Variants in NELL1 observed in about 807,000 individuals in gnomAD.
NELL1 encodes the protein neural EGFL like 1.
A neutral mutation model predicts 107.4 loss-of-function variants in NELL1; 76 were observed. The ratio of observed to expected loss-of-function variants is 0.71; its 90% confidence interval spans 0.59 to 0.86. The LOEUF (loss-of-function observed/expected upper bound fraction) is 0.86. Among genes scored for constraint, NELL1 ranks in the 40% least tolerant of loss-of-function variants. NELL1 has a pLI of 0.00. For missense variants in NELL1, 1,024 were observed against 1,005.5 expected (o/e 1.02, Z -0.25); for synonymous variants, 353 against 341.2 (o/e 1.03, Z -0.38).
chr11:20,868,265 T>C (rs1849131598), intron 4 of NELL1, among the ~76,000 whole-genome samples: 1 of 152,172 alleles, frequency 6.6e-6, no homozygotes, highest in Non-Finnish European at 1.5e-5. Flanking sequence ...TCTCACGTGC[T>C]AAGTGAAATA....
At chr11:21,171,656 A>G (rs1052311718) in intron 13 of NELL1, among the ~76,000 whole-genome samples, 2 of 151,746 alleles carry the variant, frequency 1.3e-5, no homozygotes, top group Admixed American at 1.3e-4. Flanking sequence ...TGCATTTCTG[A>G]ATTAGGATAT....
intron 2 of NELL1, among the ~76,000 whole-genome samples, chr11:20,700,751 A>C (rs549512036): frequency 6.6e-6 from 1 of 151,850 alleles, no homozygotes; most frequent in African/African-American, 2.4e-5. Context: ...GAGTAAGAAC[A>C]TGCGGTGTTT....
chr11:21,291,754 A>C (rs2133960657), intron 14 of NELL1, among the ~76,000 whole-genome samples: 1 of 152,290 alleles, frequency 6.6e-6, no homozygotes, highest in African/African-American at 2.4e-5. Context: ...CATCCCTGGG[A>C]TGCAAGCCTG....
chr11:21,384,398 C>T (rs1370234779), intron 15 of NELL1, among the ~76,000 whole-genome samples: 2 of 151,646 alleles, frequency 1.3e-5, no homozygotes, highest in South Asian at 2.1e-4. Context: ...CTTTTTATCC[C>T]CTTTTTCTGG....
At chr11:21,226,439 A>G (rs1395624457) in intron 13 of NELL1, among the ~76,000 whole-genome samples, 1 of 152,184 alleles carries the variant, frequency 6.6e-6, no homozygotes, top group Non-Finnish European at 1.5e-5. Context: ...GAGTTTCTCT[A>G]CTTACCAGTT....
chr11:21,060,897 G>A (rs963406453), intron 12 of NELL1, among the ~76,000 whole-genome samples: 8 of 152,138 alleles, frequency 5.3e-5, no homozygotes, highest in African/African-American at 1.4e-4. Flanking sequence ...CACTATGCCT[G>A]GCTAATTTTT....
intron 15 of NELL1, among the ~76,000 whole-genome samples, chr11:21,502,177 A>G (rs1182100856): frequency 6.6e-6 from 1 of 152,176 alleles, no homozygotes; most frequent in East Asian, 1.9e-4. Flanking sequence ...CACAGAATGG[A>G]CAAATGAATG....
chr11:20,950,202 A>T (rs950318925), intron 11 of NELL1, among the ~76,000 whole-genome samples: 11 of 152,194 alleles, frequency 7.2e-5, no homozygotes, highest in Non-Finnish European at 1.2e-4. Flanking sequence ...TTGCTGACCC[A>T]CAGCAGAGAG....
At chr11:20,909,989 T>C (rs1295062180) in intron 5 of NELL1, among the ~76,000 whole-genome samples, 1 of 152,164 alleles carries the variant, frequency 6.6e-6, no homozygotes. Flanking sequence ...CTTATGTCAG[T>C]AAGCTCACAG....
intron 12 of NELL1, among the ~76,000 whole-genome samples, chr11:21,085,435 A>G (rs1224218628): frequency 6.6e-6 from 1 of 152,128 alleles, no homozygotes; most frequent in Non-Finnish European, 1.5e-5. Context: ...CAAGTTTGAG[A>G]TCAGCCTGAG....
rs537908995 is a variant in NELL1 at position 21,131,395 on chromosome 11, T to C, written c.1426+17681T>C. Among the ~76,000 whole-genome samples the C allele has an allele frequency of 5.3e-5, 8 of 152,272 alleles. No individual in the cohort carries two copies. In the South Asian group the frequency reaches 1.2e-3, roughly 24 times the overall value. ...GCGGTAGAGAGGAAAGCATTTGGTA[T>C]TGGGTATTAGAGAGACTATTTTAAT... is the stretch of plus-strand genomic sequence containing the variant. On this transcript the variant is annotated intron_variant, in intron 13 of 19. Coordinates refer to ENST00000357134, the MANE Select transcript of NELL1 (RefSeq NM_006157.5).
chr11:20,786,034 AATT>A (rs1564908578), intron 3 of NELL1, among the ~76,000 whole-genome samples: 1 of 104,214 alleles, frequency 9.6e-6, no homozygotes, highest in African/African-American at 3.2e-5. Flanking sequence ...AAAACTTCAG[AATT>A]TTTTTTTTTT....
At chr11:20,871,912 A>G (rs1849206554) in intron 4 of NELL1, among the ~76,000 whole-genome samples, 1 of 148,116 alleles carries the variant, frequency 6.8e-6, no homozygotes, top group South Asian at 2.2e-4. Flanking sequence ...CCAGCTACTC[A>G]GGAGGCTGAG....
intron 14 of NELL1, among the ~76,000 whole-genome samples, chr11:21,246,125 A>C (rs1858484827): frequency 6.6e-6 from 1 of 152,160 alleles, no homozygotes; most frequent in African/African-American, 2.4e-5. Flanking sequence ...GCTAATATAT[A>C]TTGAGCGTCT....
intron 14 of NELL1, chr11:21,284,870 C>T (rs1231088733): frequency 3.5e-6 from 1 of 286,752 alleles, no homozygotes; most frequent in Non-Finnish European, 6.9e-6. Flanking sequence ...AAAGTGTCCA[C>T]ACTGCAGACC....
At chr11:20,889,953 T>C (rs1478884830) in intron 5 of NELL1, among the ~76,000 whole-genome samples, 2 of 152,164 alleles carry the variant, frequency 1.3e-5, no homozygotes, top group African/African-American at 4.8e-5. Flanking sequence ...CCGGGCAGTC[T>C]AGACGAGTAG....
chr11:20,700,232 G>A (rs1319507528), intron 2 of NELL1, among the ~76,000 whole-genome samples: 1 of 152,168 alleles, frequency 6.6e-6, no homozygotes, highest in Admixed American at 6.6e-5. Flanking sequence ...TGTAATCCCA[G>A]CACTTTGGGA....
chr11:20,923,466 T>C (rs1252528222), intron 7 of NELL1, among the ~76,000 whole-genome samples: 1 of 152,188 alleles, frequency 6.6e-6, no homozygotes, highest in Non-Finnish European at 1.5e-5. Flanking sequence ...GTAATAAACC[T>C]TTTTTGTCCT....
At chr11:21,403,944 T>A (rs188007925) in intron 15 of NELL1, among the ~76,000 whole-genome samples, 1 of 149,866 alleles carries the variant, frequency 6.7e-6, no homozygotes, top group South Asian at 2.1e-4. Context: ...CCGTGACTTA[T>A]GGACTGTATC....
Sources: gnomAD v4.1 joint callset for allele counts (sites outside exome capture counted in the v4.1 genomes callset) on GRCh38, gnomAD v4.1.1 for gene constraint, MANE v1.5 for transcripts, NCBI Gene and HGNC (gene_info 2026-07-23, HGNC 2026-07-21) for gene names.